Variants in LONRF1 observed in about 807,000 individuals in gnomAD.
LONRF1 encodes the protein LON peptidase N-terminal domain and RING finger protein 1.
A neutral mutation model predicts 85.8 loss-of-function variants in LONRF1; 37 were observed. That is an observed-to-expected ratio of 0.43 (90% CI 0.33 to 0.57). LONRF1 has a LOEUF of 0.57. Among genes scored for constraint, LONRF1 ranks in the 20% least tolerant of loss-of-function variants. The pLI is 0.04. For synonymous variants in LONRF1, 517 were observed against 390.1 expected, an observed-to-expected ratio of 1.33 and a Z score of -3.83; for missense variants, 1,036 against 978.0, an observed-to-expected ratio of 1.06 and a Z score of -0.79.
At position 12,725,872 on chromosome 8, in the gene LONRF1, T is replaced by C. The variant is rs760195764; in HGVS notation, c.2018A>G (p.Asn673Ser). 3 of 1,608,868 alleles carry C rather than the reference T, an allele frequency of 1.9e-6. No individual in the cohort carries two copies. Among genetic ancestry groups the C allele is most frequent in the Non-Finnish European group, 2.5e-6 (3 of 1,176,972 alleles). Residue 673 changes from asparagine to serine, a missense_variant, in exon 11 of 12, where the codon AAT becomes AGT. Around this residue, in one of 3 missense-constraint regions of LONRF1, gnomAD observed 265 missense variants for 301.5 expected, o/e 0.88. Coordinates refer to ENST00000398246, the MANE Select transcript of LONRF1 (RefSeq NM_152271.5). ...IEYLEDVKVENEDEIKNLREL... is the reference protein window; with the variant it reads ...IEYLEDVKVESEDEIKNLREL... ...TCTGAGATTCTTAATCTCATCTTCA[T>C]TCTCAACCTAGAAATACAATAGTCA...
intron 11 of LONRF1, among the ~76,000 whole-genome samples, chr8:12,724,934 G>T (rs1563132287): frequency 6.6e-6 from 1 of 152,232 alleles, no homozygotes; most frequent in Non-Finnish European, 1.5e-5. Context: ...GAGGCAGTGT[G>T]CATTACAATG....
At chr8:12,745,016 G>A (rs547828283) in intron 1 of LONRF1, among the ~76,000 whole-genome samples, 11 of 151,698 alleles carry the variant, frequency 7.3e-5, no homozygotes, top group South Asian at 2.1e-4. Flanking sequence ...GTTTCTTTAC[G>A]GCAGCAGTGA....
Position 12,731,785 on chromosome 8 carries a change from G to A in LONRF1, c.1639C>T (p.Leu547=). The A allele has an allele frequency of 6.2e-7, 1 of 1,612,926 alleles. No homozygotes were observed. Among genetic ancestry groups the A allele is most frequent in the Non-Finnish European group, 8.5e-7 (1 of 1,179,198 alleles). ...TCATATATTTTTTTTCTCTCAGACA[G>A]TTCATCAGGCAGATACTTCACTATT... ...ELIVKYLPDE[L]SERKKIYDEE... The change falls in exon 8 of 12, where the codon CTG becomes TTG. Residue 547 remains leucine, a synonymous_variant. Transcript: ENST00000398246.
intron 2 of LONRF1, among the ~76,000 whole-genome samples, 175 bp downstream of exon 2, chr8:12,742,989 T>C (rs1181785653): frequency 1.3e-5 from 2 of 152,138 alleles, no homozygotes; most frequent in Non-Finnish European, 2.9e-5. Flanking sequence ...GCGTCCCAAA[T>C]TGCTAGGATT....
intron 10 of LONRF1, chr8:12,726,111 AGCAGT>A (rs1798287538): frequency 7.5e-6 from 3 of 398,594 alleles, no homozygotes; most frequent in Non-Finnish European, 1.4e-5. Flanking sequence ...TTGCTGACTT[AGCAGT>A]GCAATATTGC....
chr8:12,729,338 G>C lies in LONRF1; in HGVS notation c.1689-6C>G. 3.1e-6 allele frequency: 5 copies of C among 1,609,474 alleles called. No homozygotes were observed. The highest frequency in any genetic ancestry group is 4.2e-6 in the Non-Finnish European group (5 of 1,178,164). ...TTGGAACATTCTTGGTCAAGCTAAG[G>C]GAAAAACAGTTTAATTATTAGAATT... is the stretch of plus-strand genomic sequence containing the variant. On this transcript the variant is annotated splice_polypyrimidine_tract_variant and splice_region_variant and intron_variant, in intron 8 of 11. Coordinates refer to ENST00000398246, the MANE Select transcript of LONRF1 (RefSeq NM_152271.5).
intron 1 of LONRF1, chr8:12,753,052 C>G (rs1226691532): frequency 6.6e-6 from 1 of 152,246 alleles, no homozygotes; most frequent in African/African-American, 2.4e-5. Context: ...GTGGTCTGTA[C>G]AACTGAGTCC....
intron 6 of LONRF1, chr8:12,735,653 C>T (rs1246425090): frequency 8.0e-6 from 3 of 375,352 alleles, no homozygotes; most frequent in East Asian, 4.4e-5. Context: ...AACGCAACAG[C>T]CCCTGGACAC....
At chr8:12,740,074 C>CT (rs1369970348) in intron 3 of LONRF1, among the ~76,000 whole-genome samples, 1 of 152,152 alleles carries the variant, frequency 6.6e-6, no homozygotes, top group Admixed American at 6.5e-5. Flanking sequence ...GCCCAGGACT[C>CT]TTTAGGTTTA....
At chr8:12,752,592 C>T (rs1402613978) in intron 1 of LONRF1, among the ~76,000 whole-genome samples, 1 of 152,194 alleles carries the variant, frequency 6.6e-6, no homozygotes, top group African/African-American at 2.4e-5. Flanking sequence ...GCAAAATCCT[C>T]ATGTGCAATC....
chr8:12,755,193 G>T lies in LONRF1; in HGVS notation c.228C>A (p.Arg76=). The change falls in exon 1 of 12, where the codon CGC becomes CGA. Residue 76 remains arginine (R), a synonymous_variant. Transcript: ENST00000398246. ...GALEAFAAAL[R]RGAPARPECL... is the part of the protein sequence containing the mutation. Reference sequence around the variant, plus strand: ...ACTCGGGCCTGGCCGGGGCCCCGCGGCGCAGCGCCGCCGCGAACGCCTCCA... The same window carrying T: ...ACTCGGGCCTGGCCGGGGCCCCGCGTCGCAGCGCCGCCGCGAACGCCTCCA... The T allele has an allele frequency of 2.3e-6, 3 of 1,296,192 alleles. No individual in the cohort carries two copies. The highest frequency in any genetic ancestry group is 2.9e-6 in the Non-Finnish European group (3 of 1,029,344). The allele number at this position is 1,296,192 out of a possible 1,614,324, so 80.3% of individuals were successfully genotyped here.
Position 12,751,503 on chromosome 8 carries a change from C to T in LONRF1, c.721+3197G>A, listed in dbSNP as rs1465305214. The stretch of plus-strand genomic sequence containing the variant: ...TATCTCTAGTAGATACGGGGTTTCA[C>T]CATGTTGGCCAGGCTGGTCTCGAAC... On this transcript the variant is annotated intron_variant, in intron 1 of 11. Coordinates refer to ENST00000398246, the MANE Select transcript of LONRF1 (RefSeq NM_152271.5). Among the ~76,000 whole-genome samples the T allele has an allele frequency of 2.1e-4, 32 of 151,186 alleles. 1 individual carries two copies. Among genetic ancestry groups the T allele is most frequent in the Non-Finnish European group, 7.4e-5 (5 of 67,814 alleles).
chr8:12,754,957 C>A lies in LONRF1; in HGVS notation c.464G>T (p.Cys155Phe). 1 of 1,489,974 alleles carries A rather than the reference C, an allele frequency of 6.7e-7. No homozygotes were observed. The allele number at this position is 1,489,974 out of a possible 1,614,324, so 92.3% of individuals were successfully genotyped here. ...RCLRRELRAR[C>F]RLCRDRLPPA... is the part of the protein sequence containing the mutation. ...CGGCAGCCGGTCCCGGCAGAGGCGG[C>A]AGCGGGCGCGGAGTTCCCTCCGCAG... is the stretch of plus-strand genomic sequence containing the variant. Residue 155 changes from cysteine to phenylalanine, a missense_variant, in exon 1 of 12, where the codon TGC becomes TTC. By Grantham distance (205) the Cys-to-Phe change is radical. Around this residue, in one of 3 missense-constraint regions of LONRF1, gnomAD observed 742 missense variants for 614.4 expected, o/e 1.21. Transcript: ENST00000398246.
chr8:12,752,826 CTGT>C (rs946602984), intron 1 of LONRF1, among the ~76,000 whole-genome samples: 1 of 152,234 alleles, frequency 6.6e-6, no homozygotes, highest in African/African-American at 2.4e-5. Flanking sequence ...ATCAGCAGTA[CTGT>C]CCATAAGGTT....
At chr8:12,751,294 A>ATTTTTTT (rs1554469328) in intron 1 of LONRF1, among the ~76,000 whole-genome samples, 1 of 84,810 alleles carries the variant, frequency 1.2e-5, no homozygotes, top group Non-Finnish European at 2.3e-5. Context: ...TTTTATTTTT[A>ATTTTTTT]TGTTTTTTTT....
At chr8:12,752,735 A>G (rs866186836) in intron 1 of LONRF1, among the ~76,000 whole-genome samples, 2 of 152,224 alleles carry the variant, frequency 1.3e-5, no homozygotes, top group Admixed American at 6.5e-5. Flanking sequence ...CTAGACCTCA[A>G]TTATCAAAAG....
chr8:12,755,180 C>A lies in LONRF1; in HGVS notation c.241G>T (p.Ala81Ser). ...AGGGCGCCCAGGCACTCGGGCCTGG[C>A]CGGGGCCCCGCGGCGCAGCGCCGCC... ...FAAALRRGAPARPECLGALVD... is the reference protein window; with the variant it reads ...FAAALRRGAPSRPECLGALVD... Residue 81 changes from alanine to serine, a missense_variant, in exon 1 of 12, where the codon GCC (alanine) becomes TCC (serine). By Grantham distance (99) the Ala-to-Ser change is moderately conservative. This residue lies in a region of LONRF1 where 742 missense variants were observed against 614.4 expected (regional missense o/e 1.21). Coordinates refer to ENST00000398246, the MANE Select transcript of LONRF1 (RefSeq NM_152271.5). The A allele has an allele frequency of 1.5e-6, 2 of 1,336,732 alleles. No homozygotes were observed. The highest frequency in any genetic ancestry group is 3.9e-5 in the South Asian group (2 of 51,496). The allele number at this position is 1,336,732 out of a possible 1,614,324, so 82.8% of individuals were successfully genotyped here.
intron 1 of LONRF1, among the ~76,000 whole-genome samples, chr8:12,746,825 A>G (rs1799176490): frequency 6.6e-6 from 1 of 152,172 alleles, no homozygotes; most frequent in Non-Finnish European, 1.5e-5. Flanking sequence ...CCAGAGTTCT[A>G]GCTGTTTACC....
chr8:12,728,138 CTA>C (rs1798391709), intron 10 of LONRF1, among the ~76,000 whole-genome samples: 1 of 152,162 alleles, frequency 6.6e-6, no homozygotes, highest in Admixed American at 6.5e-5. Flanking sequence ...GGGATAAGAT[CTA>C]TGTTTTTATA....
Sources: allele counts gnomAD v4.1 joint callset (sites outside exome capture counted in the v4.1 genomes callset), GRCh38; gene constraint gnomAD v4.1.1; regional missense constraint gnomAD v4.1.1; transcripts MANE v1.5; gene names NCBI Gene and HGNC (gene_info 2026-07-23, HGNC 2026-07-21).